IMMT: variants seen among roughly 807,000 people sequenced by gnomAD.
IMMT encodes the protein inner membrane mitochondrial protein.
IMMT carries 40 observed loss-of-function variants against 92.7 expected under a neutral mutation model. The observed-to-expected ratio is 0.43, with a 90% CI of 0.34 to 0.56. The LOEUF is 0.56. IMMT is among the 20% of genes least tolerant of loss of function. The pLI, the probability that IMMT is intolerant of heterozygous loss-of-function variation, is 0.03. For synonymous variants in IMMT, 322 were observed against 336.1 expected (o/e 0.96, Z 0.46); for missense variants, 831 against 912.1 (o/e 0.91, Z 1.14).
intron 11 of IMMT, among the ~76,000 whole-genome samples, chr2:86,152,523 G>C (rs1048215610): frequency 1.3e-4 from 20 of 151,020 alleles, no homozygotes; most frequent in Non-Finnish European, 2.2e-4. Context: ...CACTTTAAGA[G>C]GCCGAGACGG....
chr2:86,180,328 C>T (rs60339010), intron 2 of IMMT, among the ~76,000 whole-genome samples: 10 of 151,920 alleles, frequency 6.6e-5, no homozygotes, highest in Non-Finnish European at 1.2e-4. Context: ...TGCGATGGCA[C>T]GATCTTGGCT....
chr2:86,181,527 T>C (rs560088609), intron 1 of IMMT, among the ~76,000 whole-genome samples, 155 bp from the exon 2 acceptor site: 34 of 152,326 alleles, frequency 2.2e-4, no homozygotes, highest in African/African-American at 8.2e-4. Flanking sequence ...ACCATATTTA[T>C]AGATTCCTAA....
chr2:86,189,096 T>C (rs1573951242), intron 1 of IMMT, among the ~76,000 whole-genome samples: 3 of 152,272 alleles, frequency 2.0e-5, no homozygotes, highest in Admixed American at 2.0e-4. Context: ...TCCTTTTTAT[T>C]AATAAGGACC....
intron 12 of IMMT, among the ~76,000 whole-genome samples, chr2:86,150,499 T>C (rs1675385778): frequency 6.6e-6 from 1 of 152,060 alleles, no homozygotes; most frequent in Admixed American, 6.6e-5. Flanking sequence ...GAGTGGCCAG[T>C]AGTACTGCTA....
At chr2:86,190,349 T>C (rs1166554989) in intron 1 of IMMT, among the ~76,000 whole-genome samples, 9 of 152,260 alleles carry the variant, frequency 5.9e-5, no homozygotes. Flanking sequence ...TTATCAAACT[T>C]GGTCTTAAGT....
chr2:86,191,776 G>T (rs188027063), intron 1 of IMMT, among the ~76,000 whole-genome samples: 2 of 150,220 alleles, frequency 1.3e-5, no homozygotes, highest in African/African-American at 4.9e-5. Flanking sequence ...AAAATTAGGC[G>T]TGGTGGCAGG....
At chr2:86,160,779 C>CA (rs2104921691) in intron 8 of IMMT, among the ~76,000 whole-genome samples, 1 of 152,224 alleles carries the variant, frequency 6.6e-6, no homozygotes, top group South Asian at 2.1e-4. Context: ...TATTACATAC[C>CA]CACTATTTTG....
chr2:86,163,298 C>A (rs1361115900), intron 7 of IMMT, among the ~76,000 whole-genome samples: 1 of 152,142 alleles, frequency 6.6e-6, no homozygotes, highest in African/African-American at 2.4e-5. Flanking sequence ...GCCTGGGTGA[C>A]AGAGCAAGAC....
At chr2:86,181,591 A>T (rs1391464702) in intron 1 of IMMT, among the ~76,000 whole-genome samples, 1 of 151,844 alleles carries the variant, frequency 6.6e-6, no homozygotes, top group African/African-American at 2.4e-5. Context: ...TTTTAATATT[A>T]AAAAAAAATT....
At position 86,161,986 on chromosome 2, in the gene IMMT, G is replaced by A. The variant is rs1018745496; in HGVS notation, c.886C>T (p.Leu296Phe). The stretch of plus-strand genomic sequence containing the variant: ...TCCATGAGTAATTACTTGGCTTTGA[G>A]AAGGGCATCGGCAGCTTCATCTACT... ...KAVDEAADAL[L>F]KAKEELEKMK... Residue 296 changes from leucine (L) to phenylalanine (F), a missense_variant, in exon 8 of 15, where the codon CTC becomes TTC. Leu to Phe is a conservative substitution (Grantham distance 22, BLOSUM62 0). Transcript: ENST00000410111. 6.3e-7 allele frequency: 1 copy of A among 1,593,314 alleles called. No individual in the cohort carries two copies. Among genetic ancestry groups the A allele is most frequent in the African/African-American group, 1.3e-5 (1 of 74,656 alleles).
At chr2:86,178,702 C>T (rs753021771) in intron 3 of IMMT, among the ~76,000 whole-genome samples, 1 of 152,172 alleles carries the variant, frequency 6.6e-6, no homozygotes, top group Non-Finnish European at 1.5e-5. Context: ...ACTGGCTCTC[C>T]ATATCTGTAG....
At chr2:86,146,369 TA>T (rs368207889) in intron 13 of IMMT, among the ~76,000 whole-genome samples, 172 bp from the exon 14 acceptor site, 6,987 of 135,480 alleles carry the variant, frequency 0.052, 534 homozygotes, top group African/African-American at 0.18. Context: ...TTGATGTATA[TA>T]ATATATTTTT....
At chr2:86,179,701 C>T (rs943081212) in intron 2 of IMMT, 79 bp from the exon 3 acceptor site, 209 of 1,201,166 alleles carry the variant, frequency 1.7e-4, no homozygotes, top group Non-Finnish European at 2.2e-4. Context: ...GTAACCATCT[C>T]GAAGACCTCT....
chr2:86,176,663 G>A (rs1165290852), intron 3 of IMMT, among the ~76,000 whole-genome samples: 1 of 152,204 alleles, frequency 6.6e-6, no homozygotes, highest in African/African-American at 2.4e-5. Context: ...TGTGGAGGTG[G>A]TTTAGTACAA....
intron 5 of IMMT, 94 bp from the exon 6 acceptor site, chr2:86,170,938 G>A (rs1435718276): frequency 3.1e-6 from 3 of 954,216 alleles, no homozygotes; most frequent in African/African-American, 3.3e-5. Flanking sequence ...GTACTGGCCA[G>A]TTATATCAAT....
intron 10 of IMMT, among the ~76,000 whole-genome samples, chr2:86,157,290 A>G (rs1675918733): frequency 6.6e-6 from 1 of 152,194 alleles, no homozygotes; most frequent in Admixed American, 6.5e-5. Context: ...TGTCTGAGTT[A>G]TCTTTTGACA....
intron 6 of IMMT, among the ~76,000 whole-genome samples, chr2:86,168,768 G>C (rs1191428703): frequency 6.6e-6 from 1 of 152,192 alleles, no homozygotes; most frequent in African/African-American, 2.4e-5. Flanking sequence ...TGGTACCTCT[G>C]CAAGAAAGAT....
chr2:86,147,060 C>G (rs1675073251), intron 13 of IMMT, among the ~76,000 whole-genome samples: 1 of 152,156 alleles, frequency 6.6e-6, no homozygotes. Context: ...TGTGCTCAGC[C>G]ACAAATTGTC....
rs74548175 is a variant in IMMT, at chr2:86,157,788, C to CAAA, written c.1162+801_1162+803dup. Among the ~76,000 whole-genome samples, 582 of 84,172 alleles carry CAAA rather than the reference C, an allele frequency of 6.9e-3. 8 individuals are homozygous for CAAA. The highest frequency in any genetic ancestry group is 0.034 in the African/African-American group (532 of 15,670). The allele number at this position is 84,172 out of a possible 152,430, so 55.2% of individuals were successfully genotyped here. On this transcript the variant is annotated intron_variant, in intron 10 of 14. Transcript: ENST00000410111. ...GGGCAACAAGAGTAAAACTTTGTCT[C>CAAA]AAAAAAAAAAAAAAAGAAAAAAAAA...
Sources: gnomAD v4.1 joint callset for allele counts (sites outside exome capture counted in the v4.1 genomes callset) on GRCh38, gnomAD v4.1.1 for gene constraint, MANE v1.5 for transcripts, NCBI Gene and HGNC (gene_info 2026-07-23, HGNC 2026-07-21) for gene names.